Variants in DRC8 observed in about 807,000 individuals in gnomAD.
DRC8 encodes the protein dynein regulatory complex subunit 8.
chr1:245,039,666 C>T, the DRC8 span, among the ~76,000 whole-genome samples: 2 of 152,160 alleles, frequency 1.3e-5, no homozygotes, highest in Non-Finnish European at 2.9e-5. Flanking sequence ...CTGTCCTGCG[C>T]TGTTGTCTTG....
At chr1:245,070,185 A>G in the DRC8 span, among the ~76,000 whole-genome samples, 4 of 152,358 alleles carry the variant, frequency 2.6e-5, no homozygotes, top group East Asian at 7.7e-4. Flanking sequence ...CACCATGGAT[A>G]CAGAGGGACA....
the DRC8 span, among the ~76,000 whole-genome samples, chr1:245,038,135 T>C: frequency 6.6e-6 from 1 of 152,172 alleles, no homozygotes; most frequent in Non-Finnish European, 1.5e-5. Context: ...TTAATTTTCA[T>C]ATGAGAAATA....
At chr1:245,052,268 G>A in the DRC8 span, among the ~76,000 whole-genome samples, 1 of 152,226 alleles carries the variant, frequency 6.6e-6, no homozygotes, top group Admixed American at 6.5e-5. Context: ...TATTGCAGCA[G>A]TGCTTTGCAG....
At chr1:245,026,700 T>G in the DRC8 span, among the ~76,000 whole-genome samples, 1 of 152,190 alleles carries the variant, frequency 6.6e-6, no homozygotes, top group Non-Finnish European at 1.5e-5. Context: ...ATGAATGAAG[T>G]GAATGATGAA....
chr1:245,074,814 G>A, the DRC8 span, among the ~76,000 whole-genome samples: 1 of 152,144 alleles, frequency 6.6e-6, no homozygotes, highest in Non-Finnish European at 1.5e-5. Context: ...TCTATTCAAG[G>A]TAGAGAAATA....
the DRC8 span, among the ~76,000 whole-genome samples, chr1:245,072,692 C>A: frequency 6.6e-6 from 1 of 152,196 alleles, no homozygotes; most frequent in African/African-American, 2.4e-5. Flanking sequence ...AAAATGTAAT[C>A]CTCGGTGTCA....
At chr1:245,015,887 T>A in the DRC8 span, among the ~76,000 whole-genome samples, 1 of 151,250 alleles carries the variant, frequency 6.6e-6, no homozygotes, top group Non-Finnish European at 1.5e-5. Flanking sequence ...CGCATCACTG[T>A]GCTGCCTGGA....
chr1:244,991,094 G>C, the DRC8 span, among the ~76,000 whole-genome samples: 1 of 152,194 alleles, frequency 6.6e-6, no homozygotes, highest in East Asian at 1.9e-4. Flanking sequence ...TCACACTTCA[G>C]TTAGATGTGG....
chr1:245,091,870 A>T, the DRC8 span: 2 of 152,364 alleles, frequency 1.3e-5, no homozygotes, highest in South Asian at 4.1e-4. Context: ...GCAGCATCTG[A>T]TGTAAGTCAC....
chr1:245,099,230 G>A, the DRC8 span, among the ~76,000 whole-genome samples: 1 of 152,112 alleles, frequency 6.6e-6, no homozygotes, highest in Non-Finnish European at 1.5e-5. Flanking sequence ...CCACTGCTCC[G>A]GAAACTGGAA....
the DRC8 span, among the ~76,000 whole-genome samples, chr1:245,118,970 G>A: frequency 6.6e-6 from 1 of 152,194 alleles, no homozygotes; most frequent in Non-Finnish European, 1.5e-5. Context: ...ACTCATTCTT[G>A]ATGATGGGGC....
At chr1:245,075,087 T>TC in the DRC8 span, among the ~76,000 whole-genome samples, 2 of 152,210 alleles carry the variant, frequency 1.3e-5, no homozygotes, top group Non-Finnish European at 2.9e-5. Context: ...GATTGTTATG[T>TC]CACTGGGGAG....
chr1:245,029,518 G>T, the DRC8 span, among the ~76,000 whole-genome samples: 3 of 151,736 alleles, frequency 2.0e-5, no homozygotes, highest in African/African-American at 7.3e-5. Flanking sequence ...GGCTGGTCTG[G>T]AACTCCTGAC....
the DRC8 span, among the ~76,000 whole-genome samples, chr1:245,070,253 A>G: frequency 3.3e-5 from 5 of 152,182 alleles, no homozygotes; most frequent in Admixed American, 6.5e-5. Flanking sequence ...TAGGAGTGCA[A>G]TCGCTTCCTA....
the DRC8 span, among the ~76,000 whole-genome samples, chr1:245,120,421 C>T: frequency 1.3e-5 from 2 of 152,168 alleles, no homozygotes; most frequent in African/African-American, 2.4e-5. Context: ...TTAACCAGTT[C>T]CCTTCTCAAG....
chr1:245,047,062 C>T, the DRC8 span, among the ~76,000 whole-genome samples: 1 of 152,154 alleles, frequency 6.6e-6, no homozygotes, highest in Admixed American at 6.5e-5. Context: ...AGCAGGGAGC[C>T]ACTCGCAGTG....
chr1:245,087,727 A>G, the DRC8 span: 13 of 994,862 alleles, frequency 1.3e-5, no homozygotes, highest in Non-Finnish European at 1.6e-5. Flanking sequence ...GGGCAGAACG[A>G]ACCACTCGAA....
chr1:244,998,838 G>C, the DRC8 span, among the ~76,000 whole-genome samples: 1 of 152,002 alleles, frequency 6.6e-6, no homozygotes, highest in Non-Finnish European at 1.5e-5. Flanking sequence ...TTTTAATACT[G>C]TCTCTCCATT....
the DRC8 span, among the ~76,000 whole-genome samples, chr1:244,981,556 A>G: frequency 1.3e-5 from 2 of 152,180 alleles, no homozygotes; most frequent in African/African-American, 4.8e-5. Flanking sequence ...GGAGGCTTAG[A>G]TAGGTAAAGC....
Sources: gnomAD v4.1 joint callset for allele counts (sites outside exome capture counted in the v4.1 genomes callset) on GRCh38, gnomAD v4.1.1 for gene constraint, MANE v1.5 for transcripts, NCBI Gene and HGNC (gene_info 2026-07-23, HGNC 2026-07-21) for gene names.